The following NAXD variants were observed in gnomAD, a reference collection of about 807,000 sequenced individuals.
The protein encoded by NAXD is NAD(P)HX dehydratase.
Under a neutral mutation model 35.8 loss-of-function variants are expected in NAXD, and 22 were observed. The observed-to-expected ratio is 0.62, with a 90% CI of 0.44 to 0.88. The LOEUF is 0.88. Ranked by LOEUF, NAXD falls within the 40% of genes least tolerant of loss-of-function variation. The probability of loss-of-function intolerance (pLI) is 0.00; values close to 1 mark genes in which losing one functional copy is unlikely to be tolerated. For missense variants in NAXD, 428 were observed against 437.7 expected (o/e 0.98, Z 0.20); for synonymous variants, 189 against 177.6 (o/e 1.06, Z -0.51).
At chr13:110,625,615 C>T (rs540877893) in intron 4 of NAXD, among the ~76,000 whole-genome samples, 151 of 152,332 alleles carry the variant, frequency 9.9e-4, no homozygotes, top group Non-Finnish European at 1.7e-3. Context: ...TTCCTGCACT[C>T]GGCACATATG....
Position 110,622,382 on chromosome 13 carries a change from G to T in NAXD, c.197+16G>T, listed in dbSNP as rs772311209. 2 of 1,613,060 alleles carry T rather than the reference G, an allele frequency of 1.2e-6. No individual in the cohort carries two copies. Among genetic ancestry groups the T allele is most frequent in the South Asian group, 2.2e-5 (2 of 90,976 alleles). On this transcript the variant is annotated intron_variant, in intron 2 of 9. Coordinates refer to ENST00000680254, the MANE Select transcript of NAXD (RefSeq NM_001242882.2). ...GCTGTCAGGAGTAAGTAGCTGATGT[G>T]CAGTGTTGGTGTTTAAAAAGTCAGT...
At chr13:110,620,363 CA>C (rs989546354) in intron 1 of NAXD, among the ~76,000 whole-genome samples, 11 of 151,778 alleles carry the variant, frequency 7.2e-5, no homozygotes, top group East Asian at 2.0e-4. Flanking sequence ...GGGCAGATCA[CA>C]AGGTCAGGAG....
At chr13:110,634,501 A>T in intron 5 of NAXD, 44 bp from the exon 6 acceptor site, 1 of 1,602,026 alleles carries the variant, frequency 6.2e-7, no homozygotes, top group Non-Finnish European at 8.6e-7. Context: ...TACCCACACC[A>T]TAGCAGCAGG....
At chr13:110,616,118 C>A in intron 1 of NAXD, 1 of 293,938 alleles carries the variant, frequency 3.4e-6, no homozygotes, top group Non-Finnish European at 6.3e-6. Flanking sequence ...CTGCTCTGTC[C>A]CCGCTCCCGG....
chr13:110,626,246 TGA>T (rs546124107), intron 4 of NAXD, among the ~76,000 whole-genome samples: 140 of 146,260 alleles, frequency 9.6e-4, no homozygotes, highest in African/African-American at 3.5e-3. Context: ...AGTCAGATGG[TGA>T]GAGGGGCCGG....
chr13:110,616,208 G>T, intron 1 of NAXD: 1 of 174,524 alleles, frequency 5.7e-6, no homozygotes, highest in East Asian at 1.5e-4. Context: ...GCCCAGGGAC[G>T]CGGCGGGCGT....
intron 1 of NAXD, among the ~76,000 whole-genome samples, chr13:110,618,266 A>G (rs1367666814): frequency 7.1e-6 from 1 of 140,000 alleles, no homozygotes; most frequent in African/African-American, 3.1e-5. Context: ...CAGTTTCTGG[A>G]TGGCGCTTCT....
At chr13:110,625,759 A>G (rs1339706007) in intron 4 of NAXD, among the ~76,000 whole-genome samples, 1 of 152,232 alleles carries the variant, frequency 6.6e-6, no homozygotes, top group Non-Finnish European at 1.5e-5. Flanking sequence ...TCTGCCGTCC[A>G]GGATTGTGGC....
Position 110,627,557 on chromosome 13 carries a change from A to G in NAXD, c.441+10A>G, listed in dbSNP as rs773880857. The stretch of plus-strand genomic sequence containing the variant: ...TCTCAGAAATGTCCAGGTAATGTGT[A>G]TACTCACTCACTTCCCTCATGACAG... On this transcript the variant is annotated intron_variant, in intron 5 of 9. Transcript: ENST00000680254. The G allele has an allele frequency of 2.5e-6, 4 of 1,570,436 alleles. No homozygotes were observed. The highest frequency in any genetic ancestry group is 1.1e-5 in the South Asian group (1 of 90,138).
chr13:110,633,422 T>A (rs962804012), intron 5 of NAXD, among the ~76,000 whole-genome samples: 8 of 152,014 alleles, frequency 5.3e-5, no homozygotes, highest in African/African-American at 1.9e-4. Context: ...CCTCCACACC[T>A]CCCTGCAAGC....
intron 4 of NAXD, among the ~76,000 whole-genome samples, chr13:110,625,980 A>G (rs1303802948): frequency 6.6e-6 from 1 of 152,152 alleles, no homozygotes; most frequent in African/African-American, 2.4e-5. Flanking sequence ...GCGGCAGCAC[A>G]GTGTGATGAC....
rs1684294481 is a variant in NAXD, at chr13:110,638,568, G to C, written c.*40G>C. ...GAAGTAAACAGGCACCTTGGACGGG[G>C]GAGAGCGTGTGTGTGATGGGAAAAT... On this transcript the variant is annotated 3_prime_UTR_variant, in exon 10 of 10. Transcript: ENST00000680254. The surrounding 1 kb of genome is among the most constrained non-coding windows in gnomAD (Gnocchi z 5.4). The C allele has an allele frequency of 6.2e-7, 1 of 1,608,752 alleles. No homozygotes were observed. Among genetic ancestry groups the C allele is most frequent in the African/African-American group, 1.3e-5 (1 of 74,858 alleles).
chr13:110,637,135 T>C lies in NAXD; in HGVS notation c.725T>C (p.Val242Ala). 6.2e-7 allele frequency: 1 copy of C among 1,613,156 alleles called. No individual in the cohort carries two copies. The highest frequency in any genetic ancestry group is 8.5e-7 in the Non-Finnish European group (1 of 1,179,712). Residue 242 changes from valine (V) to alanine (A), a missense_variant, in exon 9 of 10, where the codon GTG becomes GCG. Transcript: ENST00000680254. ...DILSNGQQVL[V>A]CSQEGSSRRC... ...TCACTTCTGCCCTGTGCAGTGCTTG[T>C]GTGCAGCCAGGAAGGCAGCAGCCGC...
rs1266101824 is a variant in NAXD at position 110,635,554 on chromosome 13, A to G, written c.684A>G (p.Lys228=). ...QALGNVTVVQ[K]GERDILSNGQ... is the part of the protein sequence containing the mutation. ...TGGGCAACGTGACGGTGGTCCAGAA[A>G]GGAGAGCGCGACATCCTCTCCAACG... The change falls in exon 8 of 10, where the codon AAA becomes AAG. Residue 228 remains lysine, a synonymous_variant. Transcript: ENST00000680254. 1.2e-6 allele frequency: 2 copies of G among 1,614,020 alleles called. No homozygotes were observed. Among genetic ancestry groups the G allele is most frequent in the East Asian group, 2.2e-5 (1 of 44,896 alleles).
At position 110,630,965 on chromosome 13, in the gene NAXD, T is replaced by C. The variant is rs564098223; in HGVS notation, c.441+3418T>C. ...TCCTCCAAATTCGCTCTTTTTAAGG[T>C]TGTTTTGGCTCTCCTGGGTCCCATG... On this transcript the variant is annotated intron_variant, in intron 5 of 9. Coordinates refer to ENST00000680254, the MANE Select transcript of NAXD (RefSeq NM_001242882.2). Among the ~76,000 whole-genome samples the C allele has an allele frequency of 7.2e-4, 109 of 152,318 alleles. No individual in the cohort carries two copies. In the Middle Eastern group the frequency reaches 0.014, roughly 19 times the overall value.
At chr13:110,615,670 C>G (rs572443820) in intron 1 of NAXD, 23 bp downstream of exon 1, 2 of 1,520,346 alleles carry the variant, frequency 1.3e-6, no homozygotes, top group Admixed American at 2.0e-5. Flanking sequence ...CCATTTGGCC[C>G]GGGGATGGTC....
At chr13:110,634,934 C>G (rs779516664) in intron 7 of NAXD, among the ~76,000 whole-genome samples, 158 bp downstream of exon 7, 1 of 152,196 alleles carries the variant, frequency 6.6e-6, no homozygotes, top group Non-Finnish European at 1.5e-5. Flanking sequence ...CCCATTAATG[C>G]GCTTGGATTG....
chr13:110,634,545 G>C lies in NAXD; in HGVS notation c.442G>C (p.Gly148Arg), dbSNP rs1033061070. The part of the protein sequence containing the change: ...RDDALLRNVQ[G>R]ILEVSKARDI... ...TCAGTCTGGTTTTCTCTTCTGGCAG[G>C]GCATTTTGGAAGTGTCAAAGGCCAG... is the stretch of plus-strand genomic sequence containing the variant. Residue 148 changes from glycine to arginine, a missense_variant and splice_region_variant, in exon 6 of 10, where the codon GGC (glycine) becomes CGC (arginine). Transcript: ENST00000680254. 1 of 1,614,134 alleles carries C rather than the reference G, an allele frequency of 6.2e-7. No individual in the cohort carries two copies.
In NAXD at chr13:110,627,656, G is replaced by A. The variant is rs1886544681; in HGVS notation, c.441+109G>A. On this transcript the variant is annotated intron_variant, in intron 5 of 9. Coordinates refer to ENST00000680254, the MANE Select transcript of NAXD (RefSeq NM_001242882.2). ...TGTGTAGTGTTCCGTGTGCCTCTTT[G>A]TGGCATGATTGAGATAAGATTTGAG... The A allele has an allele frequency of 1.1e-5, 8 of 719,618 alleles. No individual in the cohort carries two copies. The Admixed American group carries it at 1.8e-4, about 16-fold the overall frequency. 44.6% of individuals were successfully genotyped at this position (719,618 alleles called of 1,614,324 possible).
Sources: gnomAD v4.1 joint callset for allele counts (sites outside exome capture counted in the v4.1 genomes callset) on GRCh38, gnomAD v4.1.1 for gene constraint, Gnocchi (gnomAD v3.1) non-coding constraint, MANE v1.5 for transcripts, NCBI Gene and HGNC (gene_info 2026-07-23, HGNC 2026-07-21) for gene names.